SLC38A1: variants seen among roughly 807,000 people sequenced by gnomAD.
SLC38A1 encodes solute carrier family 38 member 1.
In SLC38A1, 18 loss-of-function variants were observed where a neutral mutation model predicts 60.3. The observed-to-expected ratio is 0.30, with a 90% CI of 0.21 to 0.44. The LOEUF is 0.44. Among genes scored for constraint, SLC38A1 ranks in the 20% least tolerant of loss-of-function variants. The pLI, the probability that SLC38A1 is intolerant of heterozygous loss-of-function variation, is 1.00. For missense variants in SLC38A1, 448 were observed against 587.2 expected, an observed-to-expected ratio of 0.76 and a Z score of 2.45; for synonymous variants, 196 against 212.1, an observed-to-expected ratio of 0.92 and a Z score of 0.66.
chr12:46,225,531 C>A (rs907420780), intron 5 of SLC38A1, among the ~76,000 whole-genome samples: 5 of 152,016 alleles, frequency 3.3e-5, no homozygotes, highest in Non-Finnish European at 7.4e-5. Flanking sequence ...AGAAAGATGG[C>A]GGTGAGGTCT....
rs145388142 is a variant in SLC38A1, at chr12:46,250,773, T to A, written c.-208-7459A>T. Among the ~76,000 whole-genome samples, 1,308 of 152,194 alleles carry A rather than the reference T, an allele frequency of 8.6e-3. 27 individuals are homozygous for A. The highest frequency in any genetic ancestry group is 0.03 in the African/African-American group (1,253 of 41,514). On this transcript the variant is annotated intron_variant, in intron 1 of 16. Transcript: ENST00000398637. ...ACAAAGAGAATAAAATACCTAGGAA[T>A]CCAACTTACAAGGGATGTGAAGGAC... is the stretch of plus-strand genomic sequence containing the variant.
At position 46,184,192 on chromosome 12, in the gene SLC38A1, A is replaced by T. The variant is rs904627310; in HGVS notation, c.*4778T>A. 1 of 152,422 alleles carries T rather than the reference A, an allele frequency of 6.6e-6. No homozygotes were observed. Among genetic ancestry groups the T allele is most frequent in the African/African-American group, 2.4e-5 (1 of 41,428 alleles). 9.4% of individuals were successfully genotyped at this position (152,422 alleles called of 1,614,324 possible). A position where few individuals can be genotyped will look rare whatever the true frequency, so the allele number is the denominator to read the frequency against. On this transcript the variant is annotated 3_prime_UTR_variant, in exon 17 of 17. Coordinates refer to ENST00000398637, the MANE Select transcript of SLC38A1 (RefSeq NM_030674.4). ...ATATTTTGCAAGAACTTTCTCTTTG[A>T]GATTTAGTGATAGTTTTTAGTTGTT... is the stretch of plus-strand genomic sequence containing the variant.
chr12:46,254,949 A>G (rs1356263245), intron 1 of SLC38A1: 1 of 152,388 alleles, frequency 6.6e-6, no homozygotes, highest in Non-Finnish European at 1.5e-5. Flanking sequence ...GAAAAACAAA[A>G]CAAAGGGTCA....
intron 5 of SLC38A1, among the ~76,000 whole-genome samples, chr12:46,217,851 A>G (rs1940483088): frequency 6.6e-6 from 1 of 152,172 alleles, no homozygotes; most frequent in Admixed American, 6.5e-5. Context: ...GAGAGCAATT[A>G]TTTGTACCGT....
At chr12:46,204,701 C>G (rs1044941707) in intron 9 of SLC38A1, 111 bp from the exon 10 acceptor site, 1 of 710,508 alleles carries the variant, frequency 1.4e-6, no homozygotes, top group African/African-American at 1.8e-5. Context: ...TCACTTATTT[C>G]AGTGCATTAT....
intron 5 of SLC38A1, among the ~76,000 whole-genome samples, chr12:46,226,191 C>T (rs530060815): frequency 6.6e-6 from 1 of 152,058 alleles, no homozygotes; most frequent in African/African-American, 2.4e-5. Flanking sequence ...AGATTTGCTT[C>T]AAGACAATCT....
At chr12:46,208,474 CAT>C (rs1565760857) in intron 6 of SLC38A1, among the ~76,000 whole-genome samples, 1 of 152,100 alleles carries the variant, frequency 6.6e-6, no homozygotes, top group African/African-American at 2.4e-5. Flanking sequence ...TAAATGGAGT[CAT>C]GTATATACAA....
intron 2 of SLC38A1, among the ~76,000 whole-genome samples, chr12:46,240,185 G>A (rs989275000): frequency 1.3e-5 from 2 of 152,102 alleles, no homozygotes; most frequent in African/African-American, 4.8e-5. Flanking sequence ...CCCCTTTTAT[G>A]ATATGAAGCA....
intron 1 of SLC38A1, among the ~76,000 whole-genome samples, chr12:46,249,934 C>A (rs1174221923): frequency 6.6e-6 from 1 of 152,118 alleles, no homozygotes; most frequent in Non-Finnish European, 1.5e-5. Flanking sequence ...TACCATTCCT[C>A]CTGAAACTAT....
chr12:46,210,978 C>G (rs999289135), intron 5 of SLC38A1, among the ~76,000 whole-genome samples: 1 of 152,132 alleles, frequency 6.6e-6, no homozygotes, highest in Non-Finnish European at 1.5e-5. Context: ...TATTAGCCAA[C>G]CCAGTAGTTC....
intron 13 of SLC38A1, among the ~76,000 whole-genome samples, chr12:46,200,661 C>A (rs968220113): frequency 1.3e-5 from 2 of 152,082 alleles, no homozygotes; most frequent in Non-Finnish European, 2.9e-5. Context: ...TTCCAGTGAA[C>A]AATTAGAAGT....
chr12:46,203,296 G>T (rs2289770), intron 11 of SLC38A1, among the ~76,000 whole-genome samples: 2,421 of 152,214 alleles, frequency 0.016, 171 homozygotes, highest in Admixed American at 0.12. Context: ...TTGTCACAGA[G>T]GGACTTCGGA....
chr12:46,266,733 C>A (rs1443373254), intron 1 of SLC38A1, among the ~76,000 whole-genome samples: 1 of 152,120 alleles, frequency 6.6e-6, no homozygotes, highest in Non-Finnish European at 1.5e-5. Context: ...TGCTGCCAGT[C>A]GCACAGTAAG....
Position 46,260,851 on chromosome 12 carries a change from C to T in SLC38A1, c.-209+7675G>A, listed in dbSNP as rs567469949. ...ACTTTGCCACAGTCACTCTCCGCCA[C>T]GCTACCTCCTGCTTCTTGCCCTCTC... On this transcript the variant is annotated intron_variant, in intron 1 of 16. Transcript: ENST00000398637. Among the ~76,000 whole-genome samples the T allele has an allele frequency of 5.3e-5, 8 of 152,238 alleles. No individual in the cohort carries two copies. In the East Asian group the frequency reaches 1.4e-3, roughly 26 times the overall value.
Position 46,199,800 on chromosome 12 carries a change from G to A in SLC38A1, c.1004-1057C>T, listed in dbSNP as rs572432635. Among the ~76,000 whole-genome samples the A allele has an allele frequency of 2.2e-4, 33 of 152,190 alleles. 1 individual carries two copies. In the South Asian group the frequency reaches 4.8e-3, roughly 22 times the overall value. On this transcript the variant is annotated intron_variant, in intron 13 of 16. Transcript: ENST00000398637. ...GAGGTAATTTCCCCTCCTGTCTCCTGCAAGGGCCTCTCACTGCACCAGTCT... is the reference window on the plus strand; with the variant it reads ...GAGGTAATTTCCCCTCCTGTCTCCTACAAGGGCCTCTCACTGCACCAGTCT...
At chr12:46,223,539 A>G (rs1043267099) in intron 5 of SLC38A1, among the ~76,000 whole-genome samples, 1 of 152,058 alleles carries the variant, frequency 6.6e-6, no homozygotes, top group African/African-American at 2.4e-5. Context: ...GTCTCCTTGC[A>G]TGCCACTTTT....
chr12:46,259,893 G>C (rs114469441), intron 1 of SLC38A1, among the ~76,000 whole-genome samples: 142 of 152,188 alleles, frequency 9.3e-4, no homozygotes, highest in African/African-American at 3.3e-3. Context: ...ACTGCTAGCA[G>C]TCTCTAAACT....
intron 1 of SLC38A1, among the ~76,000 whole-genome samples, chr12:46,255,995 G>A (rs1942006508): frequency 6.6e-6 from 1 of 151,924 alleles, no homozygotes; most frequent in Non-Finnish European, 1.5e-5. Flanking sequence ...AAGAAACCCT[G>A]TCTCTACTAA....
intron 8 of SLC38A1, among the ~76,000 whole-genome samples, chr12:46,206,954 T>A (rs890469934): frequency 6.6e-6 from 1 of 152,206 alleles, no homozygotes; most frequent in Non-Finnish European, 1.5e-5. Context: ...ACAAATCTAC[T>A]TTTCAAATGT....
Sources: allele counts gnomAD v4.1 joint callset (sites outside exome capture counted in the v4.1 genomes callset), GRCh38; gene constraint gnomAD v4.1.1; transcripts MANE v1.5; gene names NCBI Gene and HGNC (gene_info 2026-07-23, HGNC 2026-07-21).